PECAM1: variants seen among roughly 807,000 people sequenced by gnomAD.
The protein encoded by PECAM1 is platelet endothelial cell adhesion molecule.
PECAM1 carries 8 observed loss-of-function variants against 13.8 expected under a neutral mutation model. The ratio of observed to expected loss-of-function variants is 0.58; its 90% confidence interval spans 0.34 to 1.05. The LOEUF is 1.05. Among genes scored for constraint, PECAM1 ranks in the 50% least tolerant of loss-of-function variants. The pLI is 0.03. For missense variants in PECAM1, 304 were observed against 141.2 expected (o/e 2.15, Z -5.84); for synonymous variants, 136 against 52.6 (o/e 2.58, Z -6.86).
intron 15 of PECAM1, among the ~76,000 whole-genome samples, chr17:64,329,183 C>G (rs2035037325): frequency 6.6e-6 from 1 of 152,256 alleles, no homozygotes; most frequent in South Asian, 2.1e-4. Flanking sequence ...CTAGCTAGGT[C>G]TCTGTTCTGT....
At chr17:64,332,998 C>A (rs983739478) in intron 14 of PECAM1, among the ~76,000 whole-genome samples, 2 of 152,060 alleles carry the variant, frequency 1.3e-5, no homozygotes, top group Admixed American at 6.6e-5. Context: ...ACTAAAAATA[C>A]AAAAATTAGC....
At chr17:64,388,153 C>A (rs2036638742) in intron 2 of PECAM1, among the ~76,000 whole-genome samples, 1 of 152,086 alleles carries the variant, frequency 6.6e-6, no homozygotes, top group Admixed American at 6.6e-5. Context: ...TCTAGGAACC[C>A]AAAGGAGGGA....
chr17:64,384,603 T>A (rs2036552965), intron 2 of PECAM1, among the ~76,000 whole-genome samples: 1 of 152,228 alleles, frequency 6.6e-6, no homozygotes, highest in Non-Finnish European at 1.5e-5. Context: ...GATGAGGAAC[T>A]AAGGCCTCCA....
chr17:64,329,244 A>G (rs2035039534), intron 15 of PECAM1, among the ~76,000 whole-genome samples: 1 of 152,064 alleles, frequency 6.6e-6, no homozygotes, highest in Non-Finnish European at 1.5e-5. Context: ...AAGTGATCAC[A>G]TGTCTGATTC....
chr17:64,388,027 C>G (rs2036635971), intron 2 of PECAM1, among the ~76,000 whole-genome samples: 2 of 151,986 alleles, frequency 1.3e-5, no homozygotes, highest in African/African-American at 4.8e-5. Flanking sequence ...GCCTCTGGGT[C>G]TGTTTCCTTG....
At chr17:64,325,811 T>C (rs1351437520) in intron 15 of PECAM1, among the ~76,000 whole-genome samples, 4 of 152,226 alleles carry the variant, frequency 2.6e-5, no homozygotes, top group East Asian at 1.9e-4. Flanking sequence ...TGCCATCCTG[T>C]AGTGCTCTTT....
intron 4 of PECAM1, among the ~76,000 whole-genome samples, chr17:64,373,793 T>C (rs1361650836): frequency 6.6e-6 from 1 of 152,042 alleles, no homozygotes; most frequent in Non-Finnish European, 1.5e-5. Context: ...AAGGGGACCA[T>C]TTATGACAAA....
At chr17:64,355,771 G>A (rs2035831809) in intron 8 of PECAM1, among the ~76,000 whole-genome samples, 2 of 152,092 alleles carry the variant, frequency 1.3e-5, no homozygotes, top group Admixed American at 6.6e-5. Flanking sequence ...CACATAAGTG[G>A]GTTCCCCAAT....
At position 64,321,858 on chromosome 17, in the gene PECAM1, CT is replaced by C. The variant is rs1567993803; in HGVS notation, c.*1957del. The C allele has an allele frequency of 7.4e-7, 1 of 1,350,038 alleles. No individual in the cohort carries two copies. The highest frequency in any genetic ancestry group is 9.8e-7 in the Non-Finnish European group (1 of 1,020,038). 83.6% of individuals were successfully genotyped at this position (1,350,038 alleles called of 1,614,324 possible). A position where few individuals can be genotyped will look rare whatever the true frequency, so the allele number is the denominator to read the frequency against. The stretch of plus-strand genomic sequence containing the variant: ...TGCAGCTCCCGTGGCAATTGCCCTT[CT>C]CTGGTGGTGGCAAGGGACTAAGGAA... On this transcript the variant is annotated 3_prime_UTR_variant, in exon 16 of 16. Transcript: ENST00000563924.
chr17:64,341,578 C>T, intron 14 of PECAM1, 56 bp downstream of exon 14: 2 of 421,954 alleles, frequency 4.7e-6, no homozygotes, highest in Non-Finnish European at 8.6e-6. Context: ...CCCAAGGCCC[C>T]ATCAGTGATT....
intron 2 of PECAM1, among the ~76,000 whole-genome samples, chr17:64,387,501 C>T (rs2036621579): frequency 6.6e-6 from 1 of 152,044 alleles, no homozygotes; most frequent in African/African-American, 2.4e-5. Flanking sequence ...GAGAACAGAG[C>T]CAGAAGCAGA....
intron 8 of PECAM1, among the ~76,000 whole-genome samples, chr17:64,355,618 C>A (rs929943142): frequency 2.0e-5 from 3 of 152,170 alleles, no homozygotes; most frequent in Non-Finnish European, 4.4e-5. Context: ...AGCCACTGCG[C>A]CCAGCCTATT....
intron 14 of PECAM1, among the ~76,000 whole-genome samples, chr17:64,338,226 T>A (rs1308205500): frequency 7.3e-5 from 10 of 137,454 alleles, no homozygotes; most frequent in Admixed American, 1.8e-4. Context: ...ATTGGTTTTT[T>A]AAATTTTTTA....
At chr17:64,383,102 C>T (rs2036518713) in intron 2 of PECAM1, among the ~76,000 whole-genome samples, 1 of 152,132 alleles carries the variant, frequency 6.6e-6, no homozygotes, top group Non-Finnish European at 1.5e-5. Context: ...AGCGACTTCT[C>T]CAGCCTCCCA....
At chr17:64,376,865 G>T (rs8082096) in intron 3 of PECAM1, among the ~76,000 whole-genome samples, 80,484 of 151,830 alleles carry the variant, frequency 0.53, 21,551 homozygotes, top group African/African-American at 0.61. Context: ...AATCCCAGTT[G>T]CTTGGGAGGC....
At chr17:64,355,240 A>G (rs2035820029) in intron 8 of PECAM1, among the ~76,000 whole-genome samples, 200 bp from the exon 9 acceptor site, 3 of 152,274 alleles carry the variant, frequency 2.0e-5, no homozygotes, top group East Asian at 3.9e-4. Context: ...TGCTACAAAT[A>G]GAGGTCAGCT....
intron 2 of PECAM1, chr17:64,390,280 C>T: frequency 2.5e-6 from 1 of 397,860 alleles, no homozygotes; most frequent in Non-Finnish European, 4.4e-6. Flanking sequence ...ACGTGTGCTA[C>T]TTCTAAAACA....
At chr17:64,388,820 C>T (rs2036656026) in intron 2 of PECAM1, among the ~76,000 whole-genome samples, 1 of 152,090 alleles carries the variant, frequency 6.6e-6, no homozygotes, top group African/African-American at 2.4e-5. Context: ...GCATGTGCCA[C>T]CATGTCCAGC....
chr17:64,367,700 G>T (rs1041332734), intron 5 of PECAM1, among the ~76,000 whole-genome samples: 156 of 152,210 alleles, frequency 1.0e-3, no homozygotes, highest in Non-Finnish European at 1.2e-3. Context: ...CTGTAGACTG[G>T]TCTAGTTATG....
Sources: gnomAD v4.1 joint callset for allele counts (sites outside exome capture counted in the v4.1 genomes callset) on GRCh38, gnomAD v4.1.1 for gene constraint, MANE v1.5 for transcripts, NCBI Gene and HGNC (gene_info 2026-07-23, HGNC 2026-07-21) for gene names.